The following MAMDC2 variants were observed in gnomAD, a reference collection of about 807,000 sequenced individuals.
MAMDC2 encodes MAM domain containing 2.
MAMDC2 carries 57 observed loss-of-function variants against 89.8 expected under a neutral mutation model. That is an observed-to-expected ratio of 0.63 (90% CI 0.51 to 0.79). MAMDC2 has a LOEUF of 0.79. Ranked by LOEUF, MAMDC2 falls within the 30% of genes least tolerant of loss-of-function variation. MAMDC2 has a pLI of 0.00. For synonymous variants in MAMDC2, 313 were observed against 293.4 expected (o/e 1.07, Z -0.68); for missense variants, 800 against 820.6 (o/e 0.97, Z 0.31).
At chr9:70,185,443 G>A (rs912731645) in intron 11 of MAMDC2, among the ~76,000 whole-genome samples, 25 of 152,214 alleles carry the variant, frequency 1.6e-4, no homozygotes, top group African/African-American at 5.1e-4. Flanking sequence ...AGGATCCACT[G>A]TTCTCTTCAG....
At chr9:70,216,658 C>A (rs2033451551) in intron 11 of MAMDC2, among the ~76,000 whole-genome samples, 1 of 152,170 alleles carries the variant, frequency 6.6e-6, no homozygotes, top group South Asian at 2.1e-4. Flanking sequence ...TGCAAACTTT[C>A]TTTGTGTACT....
intron 11 of MAMDC2, among the ~76,000 whole-genome samples, chr9:70,188,401 A>G (rs2032805763): frequency 6.6e-6 from 1 of 150,506 alleles, no homozygotes; most frequent in Non-Finnish European, 1.5e-5. Flanking sequence ...CCTTTATTCT[A>G]TTACTGTTTT....
intron 2 of MAMDC2, among the ~76,000 whole-genome samples, chr9:70,056,263 T>C (rs1219226020): frequency 3.3e-5 from 5 of 152,232 alleles, no homozygotes; most frequent in East Asian, 3.8e-4. Flanking sequence ...TAAAAGTGAA[T>C]AATAGGGTAG....
chr9:70,078,883 C>T (rs1341249798), intron 2 of MAMDC2, among the ~76,000 whole-genome samples: 5 of 152,110 alleles, frequency 3.3e-5, no homozygotes, highest in African/African-American at 9.7e-5. Flanking sequence ...CCCCAGGCCT[C>T]GCACACTCAG....
intron 11 of MAMDC2, among the ~76,000 whole-genome samples, chr9:70,209,371 G>A (rs948335991): frequency 1.3e-5 from 2 of 152,152 alleles, no homozygotes; most frequent in Admixed American, 6.5e-5. Context: ...GGGCATATGT[G>A]TTGAGGAATT....
intron 2 of MAMDC2, among the ~76,000 whole-genome samples, chr9:70,067,629 A>C (rs1827298799): frequency 6.6e-6 from 1 of 152,154 alleles, no homozygotes; most frequent in African/African-American, 2.4e-5. Context: ...AGCTCAGGTG[A>C]TCCTAGGGGC....
intron 2 of MAMDC2, among the ~76,000 whole-genome samples, chr9:70,099,046 A>G (rs1298366884): frequency 6.6e-6 from 1 of 152,230 alleles, no homozygotes; most frequent in East Asian, 1.9e-4. Flanking sequence ...TAAACAACAC[A>G]AAATAATAGT....
chr9:70,164,604 G>A (rs1444199351), intron 9 of MAMDC2, among the ~76,000 whole-genome samples: 2 of 152,098 alleles, frequency 1.3e-5, no homozygotes, highest in African/African-American at 4.8e-5. Flanking sequence ...CTTTCTAAGG[G>A]ATATCACTTT....
intron 9 of MAMDC2, among the ~76,000 whole-genome samples, chr9:70,148,880 T>A (rs796425353): frequency 1.3e-5 from 2 of 149,132 alleles, no homozygotes; most frequent in African/African-American, 5.0e-5. Context: ...ATACAAAAAA[T>A]TAGCCGGGCG....
intron 11 of MAMDC2, among the ~76,000 whole-genome samples, chr9:70,179,523 C>CA (rs745526034): frequency 0.011 from 984 of 90,824 alleles, 11 homozygotes; most frequent in African/African-American, 0.028. Context: ...GACTCCGTCT[C>CA]AAAAAAAATA....
chr9:70,199,136 T>C (rs908949802), intron 11 of MAMDC2, among the ~76,000 whole-genome samples: 7 of 150,330 alleles, frequency 4.7e-5, no homozygotes, highest in Non-Finnish European at 8.9e-5. Flanking sequence ...ATACATGTGC[T>C]GTGCTGGTGC....
At chr9:70,186,534 TTTTTTG>T (rs1336293808) in intron 11 of MAMDC2, among the ~76,000 whole-genome samples, 2 of 152,328 alleles carry the variant, frequency 1.3e-5, no homozygotes, top group East Asian at 1.9e-4. Context: ...CCTAAAATTG[TTTTTTG>T]TTTTTGTTTT....
intron 11 of MAMDC2, among the ~76,000 whole-genome samples, chr9:70,181,333 A>G (rs2032641540): frequency 6.6e-6 from 1 of 152,172 alleles, no homozygotes; most frequent in South Asian, 2.1e-4. Flanking sequence ...TTGGCTATAC[A>G]GGCTCTTTTT....
At chr9:70,197,379 T>G (rs2032992470) in intron 11 of MAMDC2, among the ~76,000 whole-genome samples, 1 of 152,090 alleles carries the variant, frequency 6.6e-6, no homozygotes. Flanking sequence ...GATAAGTTGG[T>G]GGAGGATTTG....
At chr9:70,141,887 C>T (rs1337633677) in intron 8 of MAMDC2, among the ~76,000 whole-genome samples, 1 of 152,094 alleles carries the variant, frequency 6.6e-6, no homozygotes, top group Non-Finnish European at 1.5e-5. Context: ...GTGTCAACTC[C>T]CAGTCTTTAG....
chr9:70,151,108 C>A (rs1377237803), intron 9 of MAMDC2, among the ~76,000 whole-genome samples: 1 of 152,186 alleles, frequency 6.6e-6, no homozygotes, highest in Non-Finnish European at 1.5e-5. Context: ...CTTTCCTAGC[C>A]CAGGGCCAGT....
At chr9:70,192,633 G>C (rs1182068275) in intron 11 of MAMDC2, among the ~76,000 whole-genome samples, 2 of 151,956 alleles carry the variant, frequency 1.3e-5, no homozygotes, top group Non-Finnish European at 2.9e-5. Flanking sequence ...CCCTTTATAA[G>C]TCCTCATCTT....
At chr9:70,106,193 G>A (rs1383372558) in intron 2 of MAMDC2, among the ~76,000 whole-genome samples, 1 of 152,248 alleles carries the variant, frequency 6.6e-6, no homozygotes, top group South Asian at 2.1e-4. Flanking sequence ...GCTTTGAGTT[G>A]TCCCTTTCTG....
At chr9:70,180,890 G>A (rs1477520860) in intron 11 of MAMDC2, among the ~76,000 whole-genome samples, 1 of 152,148 alleles carries the variant, frequency 6.6e-6, no homozygotes, top group Non-Finnish European at 1.5e-5. Flanking sequence ...GGCTTTTGCT[G>A]CAATTGCTTT....
Sources: gnomAD v4.1 joint callset for allele counts (sites outside exome capture counted in the v4.1 genomes callset) on GRCh38, gnomAD v4.1.1 for gene constraint, MANE v1.5 for transcripts, NCBI Gene and HGNC (gene_info 2026-07-23, HGNC 2026-07-21) for gene names.